Variants in SH3KBP1 observed in about 807,000 individuals in gnomAD.
SH3KBP1 encodes SH3 domain containing kinase binding protein 1, also known as SH3 domain-containing kinase-binding protein 1.
SH3KBP1 carries 8 observed loss-of-function variants against 50.1 expected under a neutral mutation model. The observed-to-expected ratio is 0.16, with a 90% confidence interval of 0.09 to 0.29. The LOEUF (loss-of-function observed/expected upper bound fraction) is 0.29, where lower values mean the gene tolerates loss of function less well. Ranked by LOEUF, SH3KBP1 falls within the 10% of genes least tolerant of loss-of-function variation. SH3KBP1 has a pLI of 1.00. For missense variants in SH3KBP1, 377 were observed against 535.2 expected (o/e 0.70, Z 2.92); for synonymous variants, 227 against 218.6 (o/e 1.04, Z -0.34).
At chrX:19,683,757 A>C in intron 6 of SH3KBP1, 66 bp downstream of exon 6, 1 of 1,061,388 alleles carries the variant, frequency 9.4e-7, no homozygotes, top group Non-Finnish European at 1.3e-6. Flanking sequence ...TCCAGCACCA[A>C]ACCCCACAAC....
rs773518403 is a variant in SH3KBP1 at position 19,669,326 on chromosome X, A to G, written c.726+14497T>C. Among the ~76,000 whole-genome samples the G allele has an allele frequency of 1.0e-3, 96 of 92,331 alleles. 1 individual carries two copies. Among genetic ancestry groups the G allele is most frequent in the Non-Finnish European group, 1.5e-3 (78 of 51,246 alleles). 80.2% of individuals were successfully genotyped at this position (92,331 alleles called of 115,157 possible). A position where few individuals can be genotyped will look rare whatever the true frequency, so the allele number is the denominator to read the frequency against. On this transcript the variant is annotated intron_variant, in intron 6 of 17. Transcript: ENST00000397821. ...ACTTTGAATAATAATAATAATAATA[A>G]TTATTATTATTATTACAAAGAGCTC...
In SH3KBP1 at chrX:19,566,391, C is replaced by A. The variant is rs761535585; in HGVS notation, c.1384+2712G>T. 5.9e-5 allele frequency among the ~76,000 whole-genome samples: 6 copies of A among 102,113 alleles called. No individual in the cohort carries two copies. In the South Asian group the frequency reaches 2.9e-3, roughly 50 times the overall value. The allele number at this position is 102,113 out of a possible 115,157, so 88.7% of individuals were successfully genotyped here. On this transcript the variant is annotated intron_variant, in intron 13 of 17. Transcript: ENST00000397821. ...ATATTTTCATGATAGCGATCATAGA[C>A]ATCTCCAGACCCAAAGAATGCAAAG...
intron 6 of SH3KBP1, chrX:19,664,572 C>G (rs2062549290): frequency 9.0e-6 from 1 of 111,668 alleles, no homozygotes; most frequent in African/African-American, 3.3e-5. Flanking sequence ...TCATAGAAAC[C>G]TAGAGTTGTT....
chrX:19,776,547 T>TTTTTTTTTG (rs2065986678), intron 2 of SH3KBP1, among the ~76,000 whole-genome samples: 1 of 85,726 alleles, frequency 1.2e-5, no homozygotes, highest in African/African-American at 4.4e-5. Flanking sequence ...TTTTTTTTTT[T>TTTTTTTTTG]TTTTTTTTTT....
rs1403040053 is a variant in SH3KBP1 at position 19,868,129 on chromosome X, C to T, written c.4+19178G>A. Reference sequence around the variant, plus strand: ...GATGAGGTGATTATTGCACACAAGGCGGCTCTGGCCACGATGTGCTAGTGT... The same window carrying T: ...GATGAGGTGATTATTGCACACAAGGTGGCTCTGGCCACGATGTGCTAGTGT... On this transcript the variant is annotated intron_variant, in intron 1 of 17. Coordinates refer to ENST00000397821, the MANE Select transcript of SH3KBP1 (RefSeq NM_031892.3). 8.9e-5 allele frequency among the ~76,000 whole-genome samples: 10 copies of T among 112,100 alleles called. 1 individual carries two copies. In the Admixed American group the frequency reaches 9.4e-4, roughly 11 times the overall value.
At chrX:19,606,857 C>A (rs1315068358) in intron 9 of SH3KBP1, among the ~76,000 whole-genome samples, 2 of 111,815 alleles carry the variant, frequency 1.8e-5, no homozygotes, top group East Asian at 5.6e-4. Flanking sequence ...AGAACCCAAA[C>A]TCAGACTCCA....
At chrX:19,638,118 A>C (rs757971170) in intron 7 of SH3KBP1, among the ~76,000 whole-genome samples, 7 of 106,378 alleles carry the variant, frequency 6.6e-5, no homozygotes, top group Admixed American at 3.0e-4. Flanking sequence ...AACAAACAAA[A>C]AAAAACAAAA....
At chrX:19,556,322 A>C (rs2065487619) in intron 13 of SH3KBP1, among the ~76,000 whole-genome samples, 1 of 109,546 alleles carries the variant, frequency 9.1e-6, no homozygotes, top group South Asian at 4.0e-4. Flanking sequence ...TAAGATGAGA[A>C]AACTCTAAAC....
chrX:19,883,843 T>C (rs751403629), intron 1 of SH3KBP1, among the ~76,000 whole-genome samples: 6 of 111,616 alleles, frequency 5.4e-5, no homozygotes, highest in African/African-American at 1.6e-4. Context: ...CTGCCTCCAA[T>C]GTTCCCTGCT....
At chrX:19,581,658 T>G (rs1286105158) in intron 12 of SH3KBP1, among the ~76,000 whole-genome samples, 2 of 110,596 alleles carry the variant, frequency 1.8e-5, no homozygotes, top group African/African-American at 3.3e-5. Flanking sequence ...CTTGGTAAAT[T>G]TAAAGAAAAA....
chrX:19,610,632 G>C (rs1018464788), intron 8 of SH3KBP1, among the ~76,000 whole-genome samples: 1 of 111,933 alleles, frequency 8.9e-6, no homozygotes, highest in Non-Finnish European at 1.9e-5. Context: ...CAGAGAACAT[G>C]ATCTCTAACC....
chrX:19,793,313 A>AATATATATAT (rs777838672), intron 2 of SH3KBP1, among the ~76,000 whole-genome samples: 2 of 96,972 alleles, frequency 2.1e-5, no homozygotes, highest in African/African-American at 7.8e-5. Flanking sequence ...AGGAAAAAAA[A>AATATATATAT]ATATATATAT....
chrX:19,740,091 C>T (rs973277816), intron 3 of SH3KBP1, among the ~76,000 whole-genome samples: 5 of 111,402 alleles, frequency 4.5e-5, no homozygotes, highest in Non-Finnish European at 7.5e-5. Flanking sequence ...GATGGCTATA[C>T]CCTCCTATGT....
chrX:19,542,231 G>T (rs767761402), intron 15 of SH3KBP1, 38 bp from the exon 16 acceptor site: 2 of 1,129,795 alleles, frequency 1.8e-6, no homozygotes, highest in Non-Finnish European at 2.3e-6. Flanking sequence ...CAGGGCCGGG[G>T]ATTTGTGTGC....
chrX:19,616,807 G>A (rs1036255544), intron 8 of SH3KBP1, among the ~76,000 whole-genome samples: 2 of 110,884 alleles, frequency 1.8e-5, no homozygotes, highest in African/African-American at 6.6e-5. Context: ...GATGCCAGAA[G>A]TTCTCAACAC....
At chrX:19,772,483 G>GT (rs1338045472) in intron 2 of SH3KBP1, among the ~76,000 whole-genome samples, 16 of 108,701 alleles carry the variant, frequency 1.5e-4, no homozygotes, top group East Asian at 2.9e-4. Flanking sequence ...TTTGTTTTTT[G>GT]TTTTTTTTTA....
At chrX:19,842,477 G>C (rs1385805165) in intron 1 of SH3KBP1, among the ~76,000 whole-genome samples, 1 of 111,616 alleles carries the variant, frequency 9.0e-6, no homozygotes, top group Non-Finnish European at 1.9e-5. Context: ...AGTGAGCTGA[G>C]ATCATGCCAC....
chrX:19,877,479 C>T (rs932852965), intron 1 of SH3KBP1, among the ~76,000 whole-genome samples: 1 of 111,811 alleles, frequency 8.9e-6, no homozygotes, highest in African/African-American at 3.3e-5. Flanking sequence ...GCTCCAGGCA[C>T]AAACCTAAGA....
At chrX:19,883,671 C>T (rs1470226499) in intron 1 of SH3KBP1, among the ~76,000 whole-genome samples, 1 of 111,581 alleles carries the variant, frequency 9.0e-6, no homozygotes, top group African/African-American at 3.3e-5. Context: ...GACAAGGCCA[C>T]TCTGCGACCA....
Sources: allele counts gnomAD v4.1 joint callset (sites outside exome capture counted in the v4.1 genomes callset), GRCh38; gene constraint gnomAD v4.1.1; transcripts MANE v1.5; gene names NCBI Gene and HGNC (gene_info 2026-07-23, HGNC 2026-07-21).